EVA1A: variants seen among roughly 807,000 people sequenced by gnomAD.
EVA1A encodes the protein eva-1 homolog A, regulator of programmed cell death, also known as protein eva-1 homolog A.
Under a neutral mutation model 9.8 loss-of-function variants are expected in EVA1A, and 7 were observed. That is an observed-to-expected ratio of 0.71 (90% CI 0.41 to 1.34). EVA1A has a LOEUF of 1.34. Ranked by LOEUF, EVA1A falls within the 40% of genes most tolerant of loss-of-function variation. EVA1A has a pLI of 0.01. For missense variants in EVA1A, 206 were observed against 205.9 expected (o/e 1.00, Z 0.00); for synonymous variants, 90 against 85.6 (o/e 1.05, Z -0.28).
At chr2:75,556,430 C>T (rs1247866195) in intron 1 of EVA1A, among the ~76,000 whole-genome samples, 1 of 152,164 alleles carries the variant, frequency 6.6e-6, no homozygotes, top group African/African-American at 2.4e-5. Flanking sequence ...ATCCTGACAT[C>T]CCCCTAACCT....
At chr2:75,547,531 G>A (rs1453672482) in intron 1 of EVA1A, among the ~76,000 whole-genome samples, 3 of 152,160 alleles carry the variant, frequency 2.0e-5, no homozygotes, top group Non-Finnish European at 4.4e-5. Context: ...CCAGATGTGC[G>A]CATGATTCTG....
chr2:75,527,087 A>T (rs1675472360), intron 1 of EVA1A, among the ~76,000 whole-genome samples: 1 of 152,226 alleles, frequency 6.6e-6, no homozygotes, highest in Non-Finnish European at 1.5e-5. Context: ...GAGGACCAGG[A>T]AAGGAGTGTT....
rs992862215 is a variant in EVA1A, at chr2:75,493,484, A to T, written c.211T>A (p.Phe71Ile). The T allele has an allele frequency of 1.1e-5, 17 of 1,614,068 alleles. No individual in the cohort carries two copies. Among genetic ancestry groups the T allele is most frequent in the Non-Finnish European group, 1.4e-5 (16 of 1,180,030 alleles). The stretch of plus-strand genomic sequence containing the variant: ...CTGCTGCTCTCTCTGTCCTGCAGGA[A>T]CTTCTTCCCGGGACGCCGCCTGCAG... ...TDCRRRPGKK[F>I]LQDRESSSDS... Residue 71 changes from phenylalanine (F) to isoleucine (I), a missense_variant, in exon 4 of 4, where the codon TTC becomes ATC. Phe to Ile is a conservative substitution (Grantham distance 21). Transcript: ENST00000393913.
chr2:75,514,490 T>C (rs1278405315), intron 3 of EVA1A, among the ~76,000 whole-genome samples: 3 of 152,146 alleles, frequency 2.0e-5, no homozygotes, highest in Admixed American at 6.6e-5. Context: ...CAAAATATAA[T>C]ATTTTAATAA....
chr2:75,500,570 T>C lies in EVA1A; in HGVS notation c.86-6961A>G, dbSNP rs536311685. On this transcript the variant is annotated intron_variant, in intron 3 of 3. Transcript: ENST00000393913. ...GAAATTCATCCATCTCTTTAAGAGA[T>C]ACATTTCCTGTAAATTTTAATTTTT... 5.3e-5 allele frequency among the ~76,000 whole-genome samples: 8 copies of C among 152,098 alleles called. No individual in the cohort carries two copies. The East Asian group carries it at 1.2e-3, about 22-fold the overall frequency.
intron 1 of EVA1A, among the ~76,000 whole-genome samples, chr2:75,549,849 T>TA (rs1312616977): frequency 1.3e-5 from 2 of 152,180 alleles, no homozygotes; most frequent in African/African-American, 4.8e-5. Flanking sequence ...TTCACTGAGA[T>TA]GTTTCCAAGA....
chr2:75,533,018 C>A (rs1329289589), intron 1 of EVA1A, among the ~76,000 whole-genome samples: 1 of 151,772 alleles, frequency 6.6e-6, no homozygotes, highest in African/African-American at 2.4e-5. Flanking sequence ...TGGCATGCAC[C>A]TGTGGGTCCC....
intron 1 of EVA1A, among the ~76,000 whole-genome samples, chr2:75,560,477 G>C (rs1285171775): frequency 6.6e-6 from 1 of 152,072 alleles, no homozygotes; most frequent in African/African-American, 2.4e-5. Context: ...AGGAAGAGGA[G>C]GCAAAAAAGA....
intron 2 of EVA1A, among the ~76,000 whole-genome samples, chr2:75,521,623 T>C (rs978205932): frequency 2.0e-5 from 3 of 152,216 alleles, no homozygotes; most frequent in African/African-American, 4.8e-5. Context: ...ACAGTGGTCA[T>C]ATTCATAGAG....
chr2:75,539,038 T>C (rs1230004346), intron 1 of EVA1A, among the ~76,000 whole-genome samples: 1 of 152,194 alleles, frequency 6.6e-6, no homozygotes, highest in African/African-American at 2.4e-5. Context: ...TTCTTGCAAC[T>C]GCATATACAT....
At position 75,494,203 on chromosome 2, in the gene EVA1A, T is replaced by A. The variant is rs116738546; in HGVS notation, c.86-594A>T. ...TACATGGATTTTGTTCAAACAAACATGTAGATCGAAAATACATTATTTGCG... is the reference window on the plus strand; with the variant it reads ...TACATGGATTTTGTTCAAACAAACAAGTAGATCGAAAATACATTATTTGCG... On this transcript the variant is annotated intron_variant, in intron 3 of 3. Transcript: ENST00000393913. 9.1e-4 allele frequency among the ~76,000 whole-genome samples: 139 copies of A among 152,248 alleles called. 2 individuals carry two copies. Among genetic ancestry groups the A allele is most frequent in the African/African-American group, 3.3e-3 (136 of 41,542 alleles).
intron 1 of EVA1A, among the ~76,000 whole-genome samples, chr2:75,552,105 C>G (rs1482988864): frequency 1.3e-5 from 2 of 151,878 alleles, no homozygotes; most frequent in Non-Finnish European, 2.9e-5. Context: ...CACCTGAGCC[C>G]AGGGGTTCAA....
intron 3 of EVA1A, among the ~76,000 whole-genome samples, chr2:75,502,539 C>T (rs1335119604): frequency 6.6e-6 from 1 of 152,064 alleles, no homozygotes; most frequent in African/African-American, 2.4e-5. Flanking sequence ...ATATTGCATA[C>T]ATGCATGCAC....
intron 3 of EVA1A, among the ~76,000 whole-genome samples, chr2:75,511,925 T>C (rs1024197906): frequency 6.6e-6 from 1 of 151,952 alleles, no homozygotes; most frequent in African/African-American, 2.4e-5. Flanking sequence ...GAGGAAAGAA[T>C]GGGAAAAATA....
chr2:75,525,723 G>A (rs1675409860), intron 1 of EVA1A, among the ~76,000 whole-genome samples: 1 of 152,216 alleles, frequency 6.6e-6, no homozygotes, highest in African/African-American at 2.4e-5. Context: ...TAACTCCTGA[G>A]ACCTCAAGAA....
chr2:75,518,267 C>T (rs936169915), intron 2 of EVA1A, 59 bp from the exon 3 acceptor site: 1 of 1,461,672 alleles, frequency 6.8e-7, no homozygotes, highest in African/African-American at 1.4e-5. Flanking sequence ...GGCCATGTTC[C>T]AGGTAGCCTG....
chr2:75,521,438 G>A (rs1406199548), intron 2 of EVA1A, among the ~76,000 whole-genome samples: 2 of 152,112 alleles, frequency 1.3e-5, no homozygotes, highest in South Asian at 2.1e-4. Context: ...TAACCCAAAT[G>A]TCCATCCACA....
chr2:75,498,354 G>C (rs1461509602), intron 3 of EVA1A, among the ~76,000 whole-genome samples: 1 of 152,042 alleles, frequency 6.6e-6, no homozygotes, highest in Non-Finnish European at 1.5e-5. Flanking sequence ...GTGGGGGAAT[G>C]GGTTGGAAAA....
At chr2:75,499,975 A>G (rs758793125) in intron 3 of EVA1A, among the ~76,000 whole-genome samples, 2 of 152,178 alleles carry the variant, frequency 1.3e-5, no homozygotes, top group Non-Finnish European at 2.9e-5. Context: ...TCTTTCCTAT[A>G]TTGGATCCGC....
Sources: allele counts gnomAD v4.1 joint callset (sites outside exome capture counted in the v4.1 genomes callset), GRCh38; gene constraint gnomAD v4.1.1; transcripts MANE v1.5; gene names NCBI Gene and HGNC (gene_info 2026-07-23, HGNC 2026-07-21).